BCAS3: variants seen among roughly 807,000 people sequenced by gnomAD.
BCAS3 encodes the protein BCAS3 microtubule associated cell migration factor, also known as BCAS4/BCAS3 fusion.
A neutral mutation model predicts 116.1 loss-of-function variants in BCAS3; 53 were observed. The ratio of observed to expected loss-of-function variants is 0.46; its 90% CI spans 0.37 to 0.57. The LOEUF (loss-of-function observed/expected upper bound fraction) is 0.57, where lower values mean the gene tolerates loss of function less well. Ranked by LOEUF, BCAS3 falls within the 20% of genes least tolerant of loss-of-function variation. The pLI is 0.00. For synonymous variants in BCAS3, 391 were observed against 408.2 expected (o/e 0.96, Z 0.51); for missense variants, 917 against 1,165.4 (o/e 0.79, Z 3.10).
At position 60,842,798 on chromosome 17, in the gene BCAS3, C is replaced by A. The variant is rs573597858; in HGVS notation, c.477-25778C>A. Among the ~76,000 whole-genome samples the A allele has an allele frequency of 2.0e-5, 3 of 151,876 alleles. No homozygotes were observed. The East Asian group carries it at 5.8e-4, about 29-fold the overall frequency. ...GAATTCCTCCATATTTACAGGCTGG[C>A]TTTCATTTGAAAGATAATTATTTCC... On this transcript the variant is annotated intron_variant, in intron 7 of 23. Coordinates refer to ENST00000407086, the MANE Select transcript of BCAS3 (RefSeq NM_017679.5).
Position 60,689,737 on chromosome 17 carries a change from A to G in BCAS3, c.190A>G (p.Arg64Gly), listed in dbSNP as rs2034564552. The stretch of plus-strand genomic sequence containing the variant: ...AGAAAAGGAGAAAATAGTCTGGGTC[A>G]GATTTGAAAATGCAGATTTAAATGG... ...TEEKEKIVWV[R>G]FENADLNDTS... The change falls in exon 4 of 24, where the codon AGA becomes GGA. Residue 64 changes from arginine to glycine, a missense_variant. Physicochemically the swap from Arg to Gly is moderately radical, Grantham distance 125 (BLOSUM62 -2). This residue lies in a region of BCAS3 where 807 missense variants were observed against 1,026.0 expected (regional missense o/e 0.79). Coordinates refer to ENST00000407086, the MANE Select transcript of BCAS3 (RefSeq NM_017679.5). 2.5e-6 allele frequency: 4 copies of G among 1,608,074 alleles called. No individual in the cohort carries two copies. Among genetic ancestry groups the G allele is most frequent in the Non-Finnish European group, 3.4e-6 (4 of 1,174,910 alleles).
intron 19 of BCAS3, among the ~76,000 whole-genome samples, chr17:61,061,540 A>T (rs940820746): frequency 8.5e-5 from 13 of 152,246 alleles, no homozygotes; most frequent in Non-Finnish European, 1.9e-4. Context: ...CTACATGTAC[A>T]GATGGGTACA....
chr17:60,882,679 C>T (rs2056283144), intron 9 of BCAS3, among the ~76,000 whole-genome samples: 1 of 148,762 alleles, frequency 6.7e-6, no homozygotes, highest in African/African-American at 2.5e-5. Flanking sequence ...GTTTTCCCAG[C>T]ACCATTTATT....
At position 61,132,877 on chromosome 17, in the gene BCAS3, A is replaced by G. The variant is rs980791623; in HGVS notation, c.2425+48313A>G. On this transcript the variant is annotated intron_variant, in intron 22 of 23. Transcript: ENST00000407086. This position sits in a 1 kb window ranked among gnomAD's most constrained non-coding sequence, Gnocchi z 5.1. ...GGTTCATAAAATGCCACCACCCCTG[A>G]TTCATGACCTGACCTACTGAAAGGT... Among the ~76,000 whole-genome samples, 6 of 152,176 alleles carry G rather than the reference A, an allele frequency of 3.9e-5. No individual in the cohort carries two copies. Among genetic ancestry groups the G allele is most frequent in the African/African-American group, 1.2e-4 (5 of 41,450 alleles).
intron 22 of BCAS3, among the ~76,000 whole-genome samples, chr17:61,086,531 A>G (rs2073108404): frequency 6.6e-6 from 1 of 152,202 alleles, no homozygotes; most frequent in African/African-American, 2.4e-5. Flanking sequence ...AAGGAATTAG[A>G]TCCTACATGT....
Position 61,315,110 on chromosome 17 carries a change from C to G in BCAS3, c.2426-53217C>G, listed in dbSNP as rs955387600. On this transcript the variant is annotated intron_variant, in intron 22 of 23. Coordinates refer to ENST00000407086, the MANE Select transcript of BCAS3 (RefSeq NM_017679.5). This position sits in a 1 kb window ranked among gnomAD's most constrained non-coding sequence, Gnocchi z 5.3. ...CACGCCACACTGCTCAGCCTACACT[C>G]CCTTTTCTTTTTCTTTTTTTCGCGA... Among the ~76,000 whole-genome samples the G allele has an allele frequency of 6.6e-6, 1 of 152,050 alleles. No homozygotes were observed.
rs186515765 is a variant in BCAS3 at position 61,180,405 on chromosome 17, T to C, written c.2425+95841T>C. Among the ~76,000 whole-genome samples, 1 of 152,296 alleles carries C rather than the reference T, an allele frequency of 6.6e-6. No individual in the cohort carries two copies. Among genetic ancestry groups the C allele is most frequent in the Non-Finnish European group, 1.5e-5 (1 of 68,032 alleles). On this transcript the variant is annotated intron_variant, in intron 22 of 23. Coordinates refer to ENST00000407086, the MANE Select transcript of BCAS3 (RefSeq NM_017679.5). The surrounding 1 kb of genome is among the most constrained non-coding windows in gnomAD (Gnocchi z 6.0). ...CTGTAATAAATAAACTCTAAGCCAATGTACTGTTAAACTGGGAGCCACTGG... is the reference window on the plus strand; with the variant it reads ...CTGTAATAAATAAACTCTAAGCCAACGTACTGTTAAACTGGGAGCCACTGG...
chr17:61,143,751 G>A (rs1568443928), intron 22 of BCAS3, among the ~76,000 whole-genome samples: 1 of 152,218 alleles, frequency 6.6e-6, no homozygotes, highest in Non-Finnish European at 1.5e-5. Flanking sequence ...AGAGGCTGTA[G>A]TGAGCCAAGA....
chr17:60,924,237 C>A (rs945395997), intron 12 of BCAS3, among the ~76,000 whole-genome samples, 170 bp from the exon 13 acceptor site: 2 of 152,158 alleles, frequency 1.3e-5, no homozygotes, highest in African/African-American at 2.4e-5. Context: ...CATGTTATAT[C>A]TCTTCCTCAA....
intron 12 of BCAS3, among the ~76,000 whole-genome samples, chr17:60,911,279 C>T (rs750736310): frequency 2.6e-5 from 4 of 151,506 alleles, no homozygotes; most frequent in African/African-American, 4.8e-5. Flanking sequence ...TGTGCCACCA[C>T]ACCCAGCTAA....
rs1408228266 is a variant in BCAS3 at position 61,122,344 on chromosome 17, C to A, written c.2425+37780C>A. Reference sequence around the variant, plus strand: ...ATCTGTCTCACATTCACTCAGGCTGCCCTTGGTTTTGAGCCAGATAACAAA... The same window carrying A: ...ATCTGTCTCACATTCACTCAGGCTGACCTTGGTTTTGAGCCAGATAACAAA... On this transcript the variant is annotated intron_variant, in intron 22 of 23. Transcript: ENST00000407086. This position sits in a 1 kb window ranked among gnomAD's most constrained non-coding sequence, Gnocchi z 4.6. Among the ~76,000 whole-genome samples the A allele has an allele frequency of 1.3e-5, 2 of 152,172 alleles. No individual in the cohort carries two copies. The highest frequency in any genetic ancestry group is 2.9e-5 in the Non-Finnish European group (2 of 68,030).
intron 15 of BCAS3, 86 bp from the exon 16 acceptor site, chr17:61,015,665 G>C (rs2065404763): frequency 7.6e-7 from 1 of 1,317,922 alleles, no homozygotes; most frequent in Non-Finnish European, 1.1e-6. Context: ...ATGATTACTG[G>C]AGTCAGTGAA....
intron 6 of BCAS3, among the ~76,000 whole-genome samples, chr17:60,802,705 C>T (rs2047921617): frequency 6.6e-6 from 1 of 151,956 alleles, no homozygotes; most frequent in Admixed American, 6.6e-5. Flanking sequence ...GCAATGGTGC[C>T]GTCTGGGCTC....
In BCAS3 at chr17:60,701,730, C is replaced by G. The variant is rs2036416969; in HGVS notation, c.215-7489C>G. ...ATCCCAGTACTTTGGGAGGCCGAGGCAGGTGGATCATTTGAGGTCAGGAGT... is the reference window on the plus strand; with the variant it reads ...ATCCCAGTACTTTGGGAGGCCGAGGGAGGTGGATCATTTGAGGTCAGGAGT... On this transcript the variant is annotated intron_variant, in intron 4 of 23. Coordinates refer to ENST00000407086, the MANE Select transcript of BCAS3 (RefSeq NM_017679.5). Among the ~76,000 whole-genome samples, 5 of 149,516 alleles carry G rather than the reference C, an allele frequency of 3.3e-5. No homozygotes were observed. In the South Asian group the frequency reaches 1.0e-3, roughly 31 times the overall value.
Position 61,032,478 on chromosome 17 carries a change from A to C in BCAS3, c.1638-2188A>C, listed in dbSNP as rs145350304. ...GTGGTACCTCAAAGATACCAGCTAG[A>C]GGAATTTGTCAGTTCAATGATAGCA... is the stretch of plus-strand genomic sequence containing the variant. On this transcript the variant is annotated intron_variant, in intron 16 of 23. Coordinates refer to ENST00000407086, the MANE Select transcript of BCAS3 (RefSeq NM_017679.5). This position sits in a 1 kb window ranked among gnomAD's most constrained non-coding sequence, Gnocchi z 4.6. 1.1e-4 allele frequency among the ~76,000 whole-genome samples: 17 copies of C among 152,294 alleles called. No individual in the cohort carries two copies. The East Asian group carries it at 3.3e-3, about 29-fold the overall frequency.
In BCAS3 at chr17:61,278,503, A is replaced by G. The variant is rs2050968066; in HGVS notation, c.2426-89824A>G. Among the ~76,000 whole-genome samples the G allele has an allele frequency of 1.3e-5, 2 of 152,042 alleles. No homozygotes were observed. The highest frequency in any genetic ancestry group is 4.8e-5 in the African/African-American group (2 of 41,384). ...ATCAACTGTTGGATGGACCTACCCAAAGGAATTGAATGCAGGAACAGGAAC... is the reference window on the plus strand; with the variant it reads ...ATCAACTGTTGGATGGACCTACCCAGAGGAATTGAATGCAGGAACAGGAAC... On this transcript the variant is annotated intron_variant, in intron 22 of 23. Coordinates refer to ENST00000407086, the MANE Select transcript of BCAS3 (RefSeq NM_017679.5). The surrounding 1 kb of genome is among the most constrained non-coding windows in gnomAD (Gnocchi z 5.8).
intron 10 of BCAS3, among the ~76,000 whole-genome samples, chr17:60,893,523 C>A (rs992146554): frequency 1.1e-4 from 17 of 148,228 alleles, no homozygotes; most frequent in African/African-American, 4.0e-4. Flanking sequence ...TTTTTGTCAA[C>A]TTTGTTAACA....
At position 61,078,548 on chromosome 17, in the gene BCAS3, G is replaced by C. The variant is rs1204328917; in HGVS notation, c.2327+19G>C. 1 of 1,590,074 alleles carries C rather than the reference G, an allele frequency of 6.3e-7. No homozygotes were observed. Among genetic ancestry groups the C allele is most frequent in the African/African-American group, 1.3e-5 (1 of 74,290 alleles). On this transcript the variant is annotated intron_variant, in intron 21 of 23. Transcript: ENST00000407086. ...GTCTCAGGTAGGAAATGAGAATTAG[G>C]GAGTGATTTGAACAAAAGGATTAAT... is the stretch of plus-strand genomic sequence containing the variant.
In BCAS3 at chr17:61,098,453, C is replaced by T. The variant is rs1044733021; in HGVS notation, c.2425+13889C>T. ...TCCTGATATTTTGCCAAAGTTGTGA[C>T]TTTAATATTCTGTGGCTTGTAATTG... On this transcript the variant is annotated intron_variant, in intron 22 of 23. Coordinates refer to ENST00000407086, the MANE Select transcript of BCAS3 (RefSeq NM_017679.5). The surrounding 1 kb of genome is among the most constrained non-coding windows in gnomAD (Gnocchi z 4.2). Among the ~76,000 whole-genome samples the T allele has an allele frequency of 6.6e-6, 1 of 152,124 alleles. No individual in the cohort carries two copies. The highest frequency in any genetic ancestry group is 2.4e-5 in the African/African-American group (1 of 41,414).
Sources: allele counts gnomAD v4.1 joint callset (sites outside exome capture counted in the v4.1 genomes callset), GRCh38; gene constraint gnomAD v4.1.1; regional missense constraint gnomAD v4.1.1; non-coding constraint Gnocchi (gnomAD v3.1); transcripts MANE v1.5; gene names NCBI Gene and HGNC (gene_info 2026-07-23, HGNC 2026-07-21).